SORCS1: variants seen among roughly 807,000 people sequenced by gnomAD.
The protein encoded by SORCS1 is sortilin related VPS10 domain containing receptor 1, also known as VPS10 domain-containing receptor SorCS1.
Under a neutral mutation model 146.1 loss-of-function variants are expected in SORCS1, and 60 were observed. The observed-to-expected ratio is 0.41, with a 90% CI of 0.33 to 0.51. The LOEUF (loss-of-function observed/expected upper bound fraction) is 0.51, where lower values mean the gene tolerates loss of function less well. SORCS1 is among the 20% of genes least tolerant of loss of function. SORCS1 has a pLI of 0.21. For missense variants in SORCS1, 1,352 were observed against 1,487.6 expected (o/e 0.91, Z 1.50); for synonymous variants, 637 against 584.0 (o/e 1.09, Z -1.31).
At chr10:106,937,915 G>C (rs1953829777) in intron 2 of SORCS1, among the ~76,000 whole-genome samples, 1 of 144,558 alleles carries the variant, frequency 6.9e-6, no homozygotes, top group Non-Finnish European at 1.5e-5. Context: ...AGTGAGCCAA[G>C]ATCAAGCCAC....
chr10:106,725,048 G>A (rs1473418890), intron 6 of SORCS1, among the ~76,000 whole-genome samples: 2 of 152,164 alleles, frequency 1.3e-5, no homozygotes, highest in Non-Finnish European at 2.9e-5. Context: ...GCTGAGGCAG[G>A]AGAATCCCTT....
Position 106,761,662 on chromosome 10 carries a change from C to T in SORCS1, c.886-1G>A. On this transcript the variant is annotated splice_acceptor_variant, in intron 4 of 25. Coordinates refer to ENST00000263054, the MANE Select transcript of SORCS1 (RefSeq NM_052918.5). LOFTEE classifies it high-confidence loss of function. ...TCCCAAATTCAGCAGAGCTGTATAACTGTAAAGAACAGAAATTACTCAGCA... is the reference window on the plus strand; with the variant it reads ...TCCCAAATTCAGCAGAGCTGTATAATTGTAAAGAACAGAAATTACTCAGCA... 6.2e-7 allele frequency: 1 copy of T among 1,614,048 alleles called. No individual in the cohort carries two copies. The highest frequency in any genetic ancestry group is 8.5e-7 in the Non-Finnish European group (1 of 1,179,944).
chr10:106,715,860 C>T (rs1158740257), intron 6 of SORCS1, among the ~76,000 whole-genome samples: 1 of 152,216 alleles, frequency 6.6e-6, no homozygotes, highest in Admixed American at 6.5e-5. Context: ...TCAAACAATT[C>T]TCCTGCCCCA....
chr10:106,820,286 T>A (rs1947953352), intron 3 of SORCS1, among the ~76,000 whole-genome samples: 1 of 152,194 alleles, frequency 6.6e-6, no homozygotes, highest in Non-Finnish European at 1.5e-5. Flanking sequence ...ACAGCAGGCC[T>A]TTTCACCTAT....
chr10:106,868,501 T>G (rs1357929468), intron 2 of SORCS1, among the ~76,000 whole-genome samples: 4 of 152,044 alleles, frequency 2.6e-5, no homozygotes, highest in Admixed American at 2.6e-4. Context: ...AAACACACTC[T>G]CAGGCCACAG....
At chr10:106,695,962 A>G (rs1196469520) in intron 9 of SORCS1, among the ~76,000 whole-genome samples, 5 of 152,336 alleles carry the variant, frequency 3.3e-5, no homozygotes, top group South Asian at 4.1e-4. Context: ...TTTGCAAACA[A>G]AATGCTTAAT....
chr10:106,934,648 T>C (rs1953612498), intron 2 of SORCS1, among the ~76,000 whole-genome samples: 1 of 152,164 alleles, frequency 6.6e-6, no homozygotes, highest in Non-Finnish European at 1.5e-5. Flanking sequence ...ATTGCAAAGA[T>C]ATGAAACCAA....
intron 5 of SORCS1, among the ~76,000 whole-genome samples, chr10:106,730,900 AT>A (rs1196236339): frequency 6.6e-6 from 1 of 152,130 alleles, no homozygotes; most frequent in East Asian, 1.9e-4. Context: ...CAGAACTTTA[AT>A]TTATTCCATT....
intron 1 of SORCS1, among the ~76,000 whole-genome samples, chr10:107,014,591 GC>G (rs78798451): frequency 0.27 from 40,730 of 152,038 alleles, 6,491 homozygotes; most frequent in Admixed American, 0.36. Context: ...TCAAAGTGCG[GC>G]CCCTGGACCT....
At chr10:106,998,361 T>G (rs1252176626) in intron 1 of SORCS1, among the ~76,000 whole-genome samples, 1 of 152,234 alleles carries the variant, frequency 6.6e-6, no homozygotes, top group East Asian at 1.9e-4. Context: ...TTTCTTGTCA[T>G]GAGGACTCCC....
chr10:107,085,419 T>C (rs1439592508), intron 1 of SORCS1, among the ~76,000 whole-genome samples: 3 of 152,234 alleles, frequency 2.0e-5, no homozygotes, highest in Non-Finnish European at 4.4e-5. Context: ...CAAATACTTG[T>C]GAAATTTACT....
the SORCS1 span, among the ~76,000 whole-genome samples, chr10:107,173,420 T>C: frequency 2.6e-5 from 4 of 152,114 alleles, no homozygotes; most frequent in African/African-American, 7.2e-5. Context: ...GGAGTAACCA[T>C]GTGAGGGGAT....
chr10:107,167,067 A>G (rs986858156), upstream of SORCS1, among the ~76,000 whole-genome samples: 2 of 152,266 alleles, frequency 1.3e-5, no homozygotes, highest in Admixed American at 1.3e-4. Context: ...GTTCATAGAG[A>G]GCAGGCAAGT....
intron 1 of SORCS1, among the ~76,000 whole-genome samples, chr10:107,108,522 C>T (rs186118522): frequency 4.6e-5 from 7 of 152,250 alleles, no homozygotes; most frequent in African/African-American, 1.7e-4. Context: ...GAAGACAGCA[C>T]CAAGCCATCA....
chr10:107,011,974 C>G (rs1426192197), intron 1 of SORCS1, among the ~76,000 whole-genome samples: 2 of 152,106 alleles, frequency 1.3e-5, no homozygotes, highest in African/African-American at 4.8e-5. Flanking sequence ...AAAAGAAAAG[C>G]CCACAAGTAT....
intron 18 of SORCS1, among the ~76,000 whole-genome samples, chr10:106,631,485 G>A (rs920200926): frequency 2.0e-5 from 3 of 152,226 alleles, no homozygotes; most frequent in Admixed American, 1.3e-4. Flanking sequence ...GTGTGGGCAA[G>A]GGGAAAGAGC....
intron 2 of SORCS1, among the ~76,000 whole-genome samples, chr10:106,852,008 G>A (rs1465647963): frequency 6.6e-6 from 1 of 152,036 alleles, no homozygotes; most frequent in African/African-American, 2.4e-5. Context: ...TTTGTTACTA[G>A]TGTATATTAC....
intron 2 of SORCS1, among the ~76,000 whole-genome samples, chr10:106,848,917 A>C (rs1949424660): frequency 6.8e-6 from 1 of 147,798 alleles, no homozygotes; most frequent in South Asian, 2.2e-4. Flanking sequence ...ATTGGCCCCC[A>C]CTCTCTTCTG....
At chr10:107,071,014 A>G (rs1962371489) in intron 1 of SORCS1, among the ~76,000 whole-genome samples, 1 of 152,208 alleles carries the variant, frequency 6.6e-6, no homozygotes, top group East Asian at 1.9e-4. Context: ...CTTGACACTA[A>G]ATAATGCAAA....
Sources: allele counts gnomAD v4.1 joint callset (sites outside exome capture counted in the v4.1 genomes callset), GRCh38; gene constraint gnomAD v4.1.1; transcripts MANE v1.5; gene names NCBI Gene and HGNC (gene_info 2026-07-23, HGNC 2026-07-21).